The following PLEKHM3 variants were observed in gnomAD, a reference collection of about 807,000 sequenced individuals.
PLEKHM3 encodes the protein pleckstrin homology domain containing M3, also known as pleckstrin homology domain-containing family M member 3.
A neutral mutation model predicts 81.8 loss-of-function variants in PLEKHM3; 45 were observed. The ratio of observed to expected loss-of-function variants is 0.55; its 90% CI spans 0.43 to 0.71. The LOEUF is 0.71. Ranked by LOEUF, PLEKHM3 falls within the 30% of genes least tolerant of loss-of-function variation. The pLI, the probability that PLEKHM3 is intolerant of heterozygous loss-of-function variation, is 0.00. For missense variants in PLEKHM3, 788 were observed against 924.3 expected (o/e 0.85, Z 1.91); for synonymous variants, 352 against 356.4 (o/e 0.99, Z 0.14).
chr2:207,842,381 G>T (rs1234317857), intron 7 of PLEKHM3, among the ~76,000 whole-genome samples: 3 of 152,178 alleles, frequency 2.0e-5, no homozygotes, highest in African/African-American at 7.2e-5. Context: ...TTTATATAAG[G>T]ATAAAGGCAT....
At chr2:207,948,213 G>C (rs1690200067) in intron 3 of PLEKHM3, among the ~76,000 whole-genome samples, 1 of 152,186 alleles carries the variant, frequency 6.6e-6, no homozygotes, top group Admixed American at 6.5e-5. Context: ...TCACAGGGCT[G>C]TCTGCGAATG....
At chr2:207,905,420 T>C (rs1385504172) in intron 6 of PLEKHM3, among the ~76,000 whole-genome samples, 3 of 152,196 alleles carry the variant, frequency 2.0e-5, no homozygotes, top group Non-Finnish European at 4.4e-5. Context: ...GTCAGTTAGG[T>C]AGGGTTTCCC....
At chr2:207,899,763 T>C (rs1237119533) in intron 6 of PLEKHM3, among the ~76,000 whole-genome samples, 1 of 152,200 alleles carries the variant, frequency 6.6e-6, no homozygotes, top group Admixed American at 6.5e-5. Flanking sequence ...TGTTAAGAAA[T>C]GTCACAGTTG....
intron 2 of PLEKHM3, among the ~76,000 whole-genome samples, chr2:207,997,320 CAGAAGACGCAGAGGCCCTACCTGATGA>C (rs1559276215): frequency 6.6e-6 from 1 of 152,110 alleles, no homozygotes; most frequent in African/African-American, 2.4e-5. Context: ...CCAATTGAGA[CAGAAGACGCAGAGGCCCTACCTGATGA>C]AGAAGACCCT....
intron 6 of PLEKHM3, among the ~76,000 whole-genome samples, chr2:207,897,626 T>C (rs1451593480): frequency 6.6e-6 from 1 of 152,194 alleles, no homozygotes; most frequent in Non-Finnish European, 1.5e-5. Flanking sequence ...AAAGCTGCAG[T>C]GTGTGACCGC....
intron 6 of PLEKHM3, among the ~76,000 whole-genome samples, chr2:207,871,441 T>C (rs2092533720): frequency 1.3e-5 from 2 of 152,214 alleles, no homozygotes; most frequent in Admixed American, 1.3e-4. Context: ...GATAGTTTAA[T>C]CTGGTTTAAT....
chr2:207,964,369 T>C (rs991687854), intron 3 of PLEKHM3, among the ~76,000 whole-genome samples: 3 of 152,180 alleles, frequency 2.0e-5, no homozygotes, highest in Non-Finnish European at 4.4e-5. Context: ...ATACTCATGA[T>C]TCTAATGCAA....
At chr2:207,947,141 C>A (rs568499232) in intron 3 of PLEKHM3, among the ~76,000 whole-genome samples, 4 of 152,276 alleles carry the variant, frequency 2.6e-5, no homozygotes, top group African/African-American at 9.6e-5. Context: ...CTAACTTTCC[C>A]TCCCACTACT....
chr2:207,857,963 T>C (rs903812956), intron 7 of PLEKHM3, among the ~76,000 whole-genome samples: 8 of 151,752 alleles, frequency 5.3e-5, no homozygotes, highest in Non-Finnish European at 8.8e-5. Context: ...CAGGTATTTA[T>C]AGTCATAAAT....
rs565631143 is a variant in PLEKHM3, at chr2:208,000,180, C to G, written c.610+850G>C. Among the ~76,000 whole-genome samples the G allele has an allele frequency of 6.6e-5, 10 of 152,270 alleles. 1 individual carries two copies. In the East Asian group the frequency reaches 1.7e-3, roughly 26 times the overall value. On this transcript the variant is annotated intron_variant, in intron 2 of 7. Coordinates refer to ENST00000427836, the MANE Select transcript of PLEKHM3 (RefSeq NM_001080475.3). ...AAGACCCTCCGCCATGAGGGAGGAC[C>G]TAACCACCCTCCCCAGCCATTTCCT...
rs1310131747 is a variant in PLEKHM3, at chr2:207,923,902, TA to T, written c.1886+7023del. Among the ~76,000 whole-genome samples the T allele has an allele frequency of 2.8e-3, 245 of 86,418 alleles. 2 individuals carry two copies. Among genetic ancestry groups the T allele is most frequent in the African/African-American group, 9.7e-3 (191 of 19,654 alleles). 56.7% of individuals were successfully genotyped at this position (86,418 alleles called of 152,430 possible). A position where few individuals can be genotyped will look rare whatever the true frequency, so the allele number is the denominator to read the frequency against. On this transcript the variant is annotated intron_variant, in intron 5 of 7. Coordinates refer to ENST00000427836, the MANE Select transcript of PLEKHM3 (RefSeq NM_001080475.3). ...ACACATATATATATATATATATATA[TA>T]TATTTTTTTTTTTTTTTTTTTCTGA... is the stretch of plus-strand genomic sequence containing the variant.
intron 1 of PLEKHM3, among the ~76,000 whole-genome samples, chr2:208,004,440 C>T (rs562271533): frequency 3.9e-4 from 59 of 151,812 alleles, no homozygotes; most frequent in African/African-American, 1.1e-3. Context: ...AAATGTATAT[C>T]ACCATTGTTG....
At chr2:207,857,874 T>A (rs568964772) in intron 7 of PLEKHM3, among the ~76,000 whole-genome samples, 2 of 151,710 alleles carry the variant, frequency 1.3e-5, no homozygotes, top group Admixed American at 1.3e-4. Context: ...GCTTTGGATT[T>A]AGTTTGCTCT....
At chr2:207,888,284 T>C (rs1236137326) in intron 6 of PLEKHM3, among the ~76,000 whole-genome samples, 2 of 152,200 alleles carry the variant, frequency 1.3e-5, no homozygotes, top group African/African-American at 2.4e-5. Context: ...AGCTTTGCTA[T>C]TGAATTGTGC....
At chr2:207,923,419 C>A (rs948851017) in intron 5 of PLEKHM3, among the ~76,000 whole-genome samples, 1 of 151,970 alleles carries the variant, frequency 6.6e-6, no homozygotes, top group Non-Finnish European at 1.5e-5. Context: ...ACCAGCCTGA[C>A]AAACATGGAG....
At chr2:207,834,940 CTTG>C (rs1450188237) in intron 7 of PLEKHM3, among the ~76,000 whole-genome samples, 2 of 150,558 alleles carry the variant, frequency 1.3e-5, no homozygotes, top group Admixed American at 6.6e-5. Context: ...GTTTCAACAA[CTTG>C]TTTTTTTTTT....
chr2:207,882,781 C>T (rs1687740570), intron 6 of PLEKHM3, among the ~76,000 whole-genome samples: 1 of 152,136 alleles, frequency 6.6e-6, no homozygotes, highest in Non-Finnish European at 1.5e-5. Context: ...TAAGCTCAGT[C>T]ATACTGAACT....
chr2:207,929,342 T>C (rs530024045), intron 5 of PLEKHM3, among the ~76,000 whole-genome samples: 106 of 152,332 alleles, frequency 7.0e-4, no homozygotes, highest in Non-Finnish European at 1.4e-3. Flanking sequence ...ACCTTCTATT[T>C]AACTTCTAAA....
chr2:207,840,070 T>C (rs2092341544), intron 7 of PLEKHM3, among the ~76,000 whole-genome samples: 1 of 152,272 alleles, frequency 6.6e-6, no homozygotes, highest in Non-Finnish European at 1.5e-5. Flanking sequence ...GTTTGAGAAC[T>C]ATACTTCTAA....
Sources: gnomAD v4.1 joint callset for allele counts (sites outside exome capture counted in the v4.1 genomes callset) on GRCh38, gnomAD v4.1.1 for gene constraint, MANE v1.5 for transcripts, NCBI Gene and HGNC (gene_info 2026-07-23, HGNC 2026-07-21) for gene names.